VAV1: variants seen among roughly 807,000 people sequenced by gnomAD.
The protein encoded by VAV1 is vav guanine nucleotide exchange factor 1.
Under a neutral mutation model 128.1 loss-of-function variants are expected in VAV1, and 33 were observed. That is an observed-to-expected ratio of 0.26 (90% CI 0.20 to 0.34). VAV1 has a LOEUF of 0.34. Ranked by LOEUF, VAV1 falls within the 10% of genes least tolerant of loss-of-function variation. The pLI, the probability that VAV1 is intolerant of heterozygous loss-of-function variation, is 1.00. For synonymous variants in VAV1, 394 were observed against 409.8 expected, an observed-to-expected ratio of 0.96 and a Z score of 0.47; for missense variants, 715 against 1,093.7, an observed-to-expected ratio of 0.65 and a Z score of 4.88.
intron 1 of VAV1, among the ~76,000 whole-genome samples, chr19:6,807,535 CT>C (rs1476725576): frequency 1.3e-5 from 2 of 152,084 alleles, no homozygotes; most frequent in African/African-American, 4.8e-5. Context: ...CACCACTCAC[CT>C]CCTGATGTGT....
intron 1 of VAV1, among the ~76,000 whole-genome samples, chr19:6,814,681 T>TTTC (rs1568299262): frequency 3.6e-5 from 4 of 110,804 alleles, no homozygotes; most frequent in Non-Finnish European, 5.2e-5. Flanking sequence ...CCTTTCTTTC[T>TTTC]TTCTTTCTTT....
intron 21 of VAV1, among the ~76,000 whole-genome samples, chr19:6,837,931 T>G (rs2056808548): frequency 6.6e-6 from 1 of 152,204 alleles, no homozygotes; most frequent in South Asian, 2.1e-4. Flanking sequence ...ATTTAAATGT[T>G]GTCAATTTCC....
At chr19:6,833,846 G>A (rs1483877981) in intron 18 of VAV1, 62 bp from the exon 19 acceptor site, 1 of 1,613,592 alleles carries the variant, frequency 6.2e-7, no homozygotes, top group East Asian at 2.2e-5. Flanking sequence ...AGGAGAGTAA[G>A]GGGGCCTACA....
At chr19:6,797,957 T>C (rs1313119613) in intron 1 of VAV1, among the ~76,000 whole-genome samples, 1 of 150,840 alleles carries the variant, frequency 6.6e-6, no homozygotes, top group Non-Finnish European at 1.5e-5. Context: ...AAAAACCAGC[T>C]ATATTGACAT....
chr19:6,850,839 TC>T, intron 24 of VAV1, 82 bp downstream of exon 24: 1 of 1,444,256 alleles, frequency 6.9e-7, no homozygotes, highest in Non-Finnish European at 9.6e-7. Flanking sequence ...GACCCCCTTT[TC>T]CCACATTCAG....
chr19:6,785,458 A>G (rs1970867358), intron 1 of VAV1, among the ~76,000 whole-genome samples: 3 of 151,454 alleles, frequency 2.0e-5, no homozygotes, highest in African/African-American at 7.3e-5. Context: ...CAGCCTCCCA[A>G]GTAGCTGGGA....
At position 6,826,280 on chromosome 19, in the gene VAV1, C is replaced by G. The variant is rs143895678; in HGVS notation, c.828-332C>G. ...TTGAACCCGGGAGATGGAGGTTGCA[C>G]TGAGCCCAGATCACACCACTGTACT... On this transcript the variant is annotated intron_variant, in intron 8 of 26. Coordinates refer to ENST00000602142, the MANE Select transcript of VAV1 (RefSeq NM_005428.4). The surrounding 1 kb of genome is among the most constrained non-coding windows in gnomAD (Gnocchi z 4.1). Among the ~76,000 whole-genome samples the G allele has an allele frequency of 0.024, 3,642 of 152,090 alleles. 60 individuals carry two copies. Among genetic ancestry groups the G allele is most frequent in the Middle Eastern group, 0.044 (13 of 294 alleles).
At chr19:6,815,561 G>T (rs1031680319) in intron 1 of VAV1, among the ~76,000 whole-genome samples, 3 of 152,168 alleles carry the variant, frequency 2.0e-5, no homozygotes, top group Non-Finnish European at 4.4e-5. Context: ...CATAGACTGT[G>T]GCAGCAATTG....
chr19:6,844,676 G>A (rs1430609526), intron 22 of VAV1, among the ~76,000 whole-genome samples: 2 of 152,174 alleles, frequency 1.3e-5, no homozygotes, highest in East Asian at 3.9e-4. Flanking sequence ...TAAGAGGCAG[G>A]GTCAGGATTT....
intron 26 of VAV1, 48 bp downstream of exon 26, chr19:6,854,146 G>T (rs1972735432): frequency 1.9e-6 from 3 of 1,599,464 alleles, no homozygotes; most frequent in Non-Finnish European, 2.6e-6. Context: ...GGGTTGAGCT[G>T]GTGGTGGACG....
intron 1 of VAV1, among the ~76,000 whole-genome samples, chr19:6,773,373 G>T (rs1202512117): frequency 6.6e-6 from 1 of 152,174 alleles, no homozygotes; most frequent in Admixed American, 6.5e-5. Flanking sequence ...GTGGCCATTG[G>T]GTTACCTGAG....
chr19:6,794,440 G>C (rs1400461400), intron 1 of VAV1, among the ~76,000 whole-genome samples: 2 of 152,100 alleles, frequency 1.3e-5, no homozygotes, highest in Admixed American at 6.5e-5. Flanking sequence ...AGGAGTTTGA[G>C]GCTGCAGTGA....
intron 1 of VAV1, chr19:6,784,064 G>A: frequency 7.4e-6 from 3 of 406,180 alleles, no homozygotes; most frequent in Non-Finnish European, 1.3e-5. Flanking sequence ...GACCAGCCTG[G>A]GCAACATACC....
At chr19:6,808,670 A>G (rs140795872) in intron 1 of VAV1, among the ~76,000 whole-genome samples, 1 of 152,204 alleles carries the variant, frequency 6.6e-6, no homozygotes, top group Non-Finnish European at 1.5e-5. Flanking sequence ...CCCTTTAAGA[A>G]TGCAACCTGG....
At position 6,822,605 on chromosome 19, in the gene VAV1, TGAG is replaced by T; in HGVS notation, c.654+94_654+96del. On this transcript the variant is annotated intron_variant, in intron 6 of 26. Coordinates refer to ENST00000602142, the MANE Select transcript of VAV1 (RefSeq NM_005428.4). The surrounding 1 kb of genome is among the most constrained non-coding windows in gnomAD (Gnocchi z 5.9). The stretch of plus-strand genomic sequence containing the variant: ...CACCTGTCCGGCCGCTCTGGGCAGC[TGAG>T]GATTTCCTGCTCCCATCGCTTTTCC... The T allele has an allele frequency of 8.6e-7, 1 of 1,169,016 alleles. No homozygotes were observed. Among genetic ancestry groups the T allele is most frequent in the Non-Finnish European group, 1.2e-6 (1 of 832,554 alleles). The allele number at this position is 1,169,016 out of a possible 1,614,324, so 72.4% of individuals were successfully genotyped here.
At chr19:6,776,284 T>TCATC (rs59236244) in intron 1 of VAV1, among the ~76,000 whole-genome samples, 5,111 of 100,652 alleles carry the variant, frequency 0.051, 180 homozygotes, top group East Asian at 0.12. Context: ...ATCTATCCAC[T>TCATC]CATCCATCCA....
At chr19:6,773,974 C>T (rs1970561704) in intron 1 of VAV1, among the ~76,000 whole-genome samples, 1 of 152,016 alleles carries the variant, frequency 6.6e-6, no homozygotes, top group Admixed American at 6.6e-5. Flanking sequence ...GAGGGGACAG[C>T]TCCCATCTGG....
At chr19:6,851,236 G>A (rs1011668076) in intron 24 of VAV1, among the ~76,000 whole-genome samples, 3 of 151,950 alleles carry the variant, frequency 2.0e-5, no homozygotes, top group South Asian at 2.1e-4. Context: ...GTGCAGTGGT[G>A]CAATCATAGT....
At chr19:6,846,664 T>C (rs543302540) in intron 22 of VAV1, among the ~76,000 whole-genome samples, 249 of 148,500 alleles carry the variant, frequency 1.7e-3, no homozygotes, top group Non-Finnish European at 2.9e-3. Flanking sequence ...ATACCATATA[T>C]TATACATTTA....
Sources: gnomAD v4.1 joint callset for allele counts (sites outside exome capture counted in the v4.1 genomes callset) on GRCh38, gnomAD v4.1.1 for gene constraint, Gnocchi (gnomAD v3.1) non-coding constraint, MANE v1.5 for transcripts, NCBI Gene and HGNC (gene_info 2026-07-23, HGNC 2026-07-21) for gene names.